CCDC3: variants seen among roughly 807,000 people sequenced by gnomAD.
CCDC3 encodes the protein coiled-coil domain-containing protein 3.
Under a neutral mutation model 21.4 loss-of-function variants are expected in CCDC3, and 24 were observed. The observed-to-expected ratio is 1.12, with a 90% CI of 0.81 to 1.58. CCDC3 has a LOEUF of 1.58. Among genes scored for constraint, CCDC3 ranks in the 40% most tolerant of loss-of-function variants. The probability of loss-of-function intolerance (pLI) is 0.00; values close to 1 mark genes in which losing one functional copy is unlikely to be tolerated. For missense variants in CCDC3, 425 were observed against 360.9 expected (o/e 1.18, Z -1.44); for synonymous variants, 186 against 166.0 (o/e 1.12, Z -0.93).
At chr10:12,916,184 A>G (rs1376269520) in intron 2 of CCDC3, among the ~76,000 whole-genome samples, 2 of 152,188 alleles carry the variant, frequency 1.3e-5, no homozygotes, top group African/African-American at 4.8e-5. Flanking sequence ...CTGAAGTCCC[A>G]GCACTTTGGG....
At chr10:12,941,379 CT>C (rs58855959) in intron 2 of CCDC3, among the ~76,000 whole-genome samples, 17,852 of 152,200 alleles carry the variant, frequency 0.12, 1,691 homozygotes, top group East Asian at 0.43. Flanking sequence ...AGAAGCCATT[CT>C]TTTATTCTTG....
At position 12,955,767 on chromosome 10, in the gene CCDC3, G is replaced by C. The variant is rs181687956; in HGVS notation, c.549+42571C>G. Among the ~76,000 whole-genome samples the C allele has an allele frequency of 2.0e-3, 298 of 152,174 alleles. 1 individual carries two copies. Among genetic ancestry groups the C allele is most frequent in the Non-Finnish European group, 2.8e-3 (192 of 68,008 alleles). On this transcript the variant is annotated intron_variant, in intron 2 of 2. Transcript: ENST00000378825. Reference sequence around the variant, plus strand: ...TTTATTTATTTTATTTTTTGAGACAGAGTCTCACTCTGTCACCCAGGCTGG... The same window carrying C: ...TTTATTTATTTTATTTTTTGAGACACAGTCTCACTCTGTCACCCAGGCTGG...
intron 2 of CCDC3, among the ~76,000 whole-genome samples, chr10:12,993,945 C>A (rs767637221): frequency 3.9e-5 from 6 of 152,192 alleles, no homozygotes; most frequent in Non-Finnish European, 8.8e-5. Context: ...AGATTTCCCC[C>A]TCTTCCATCT....
At chr10:12,980,423 C>T (rs780803347) in intron 2 of CCDC3, among the ~76,000 whole-genome samples, 4 of 152,256 alleles carry the variant, frequency 2.6e-5, no homozygotes, top group Middle Eastern at 3.4e-3. Flanking sequence ...GCCATCAGTC[C>T]CCAGAAATGT....
chr10:12,903,923 G>A lies in CCDC3; in HGVS notation c.550-5244C>T, dbSNP rs1054299834. Among the ~76,000 whole-genome samples the A allele has an allele frequency of 2.6e-5, 4 of 152,350 alleles. No homozygotes were observed. The East Asian group carries it at 5.8e-4, about 22-fold the overall frequency. On this transcript the variant is annotated intron_variant, in intron 2 of 2. Transcript: ENST00000378825. ...ATCATCAATGATTCTATGGTACAGA[G>A]ATAATCACTGTGGACATTGTAACAT...
upstream of CCDC3, among the ~76,000 whole-genome samples, chr10:13,006,582 G>C (rs966955241): frequency 6.6e-6 from 1 of 152,206 alleles, no homozygotes; most frequent in African/African-American, 2.4e-5. Context: ...AGAAATGAAA[G>C]TTCTAGGAGC....
rs544554760 is a variant in CCDC3, at chr10:12,980,511, T to C, written c.549+17827A>G. On this transcript the variant is annotated intron_variant, in intron 2 of 2. Transcript: ENST00000378825. Reference sequence around the variant, plus strand: ...CTGCTGGTGTCTGTGATGGATGGGATGAGGCAGAAACACAGGGCAGACAGG... The same window carrying C: ...CTGCTGGTGTCTGTGATGGATGGGACGAGGCAGAAACACAGGGCAGACAGG... Among the ~76,000 whole-genome samples the C allele has an allele frequency of 2.0e-5, 3 of 152,170 alleles. No individual in the cohort carries two copies. In the South Asian group the frequency reaches 6.2e-4, roughly 32 times the overall value.
chr10:12,944,414 A>C (rs1834882212), intron 2 of CCDC3, among the ~76,000 whole-genome samples: 1 of 152,132 alleles, frequency 6.6e-6, no homozygotes, highest in Admixed American at 6.5e-5. Context: ...CTTTCAACCA[A>C]CTGCCAATCA....
intron 2 of CCDC3, among the ~76,000 whole-genome samples, chr10:12,935,662 A>C (rs1352711353): frequency 6.7e-6 from 1 of 149,462 alleles, no homozygotes; most frequent in Non-Finnish European, 1.5e-5. Context: ...CAACCAATCC[A>C]AGTACATTTT....
intron 2 of CCDC3, among the ~76,000 whole-genome samples, chr10:12,974,137 T>C (rs964798301): frequency 6.6e-6 from 1 of 152,246 alleles, no homozygotes; most frequent in Non-Finnish European, 1.5e-5. Flanking sequence ...GGACCCAGCA[T>C]TCTGAAATCT....
intron 3 of CCDC3, among the ~76,000 whole-genome samples, chr10:13,084,128 C>T (rs1837074833): frequency 6.6e-6 from 1 of 152,124 alleles, no homozygotes; most frequent in Non-Finnish European, 1.5e-5. Flanking sequence ...AATCCTTTAT[C>T]ACAAACCCTT....
chr10:13,090,174 C>G (rs1403588271), intron 3 of CCDC3, among the ~76,000 whole-genome samples: 3 of 150,036 alleles, frequency 2.0e-5, no homozygotes, highest in Non-Finnish European at 4.4e-5. Context: ...CTGCAATCTC[C>G]ACCACCTAGG....
chr10:13,021,083 G>A (rs1486627306), intron 5 of CCDC3, among the ~76,000 whole-genome samples: 1 of 152,158 alleles, frequency 6.6e-6, no homozygotes, highest in Non-Finnish European at 1.5e-5. Context: ...TATTTTGTGT[G>A]TTCAAACTCA....
intron 2 of CCDC3, among the ~76,000 whole-genome samples, chr10:12,958,992 A>T (rs1008116121): frequency 2.0e-5 from 3 of 152,184 alleles, no homozygotes; most frequent in Non-Finnish European, 4.4e-5. Context: ...AAAGAAAAGT[A>T]AGGTCCACCA....
chr10:12,944,030 A>C (rs1834876955), intron 2 of CCDC3, among the ~76,000 whole-genome samples: 1 of 152,216 alleles, frequency 6.6e-6, no homozygotes, highest in South Asian at 2.1e-4. Context: ...ACATTAAAAC[A>C]GGGATCTTAA....
At chr10:13,099,834 G>A (rs1238848363), upstream of CCDC3, 1 of 152,056 alleles carries the variant, frequency 6.6e-6, no homozygotes, top group Non-Finnish European at 1.5e-5. Flanking sequence ...GGAAGACACG[G>A]GGAAGACGAA....
At chr10:12,974,502 A>G (rs570751406) in intron 2 of CCDC3, among the ~76,000 whole-genome samples, 11 of 152,362 alleles carry the variant, frequency 7.2e-5, no homozygotes, top group Admixed American at 7.2e-4. Flanking sequence ...TATGGAGTTT[A>G]GAAATTGTAC....
intron 3 of CCDC3, among the ~76,000 whole-genome samples, chr10:13,084,507 G>A (rs762944189): frequency 6.6e-6 from 1 of 152,076 alleles, no homozygotes; most frequent in Non-Finnish European, 1.5e-5. Flanking sequence ...GTCTGGTCTC[G>A]AACTCCTGAC....
intron 4 of CCDC3, among the ~76,000 whole-genome samples, chr10:13,068,725 T>C (rs149071398): frequency 3.7e-4 from 57 of 152,346 alleles, no homozygotes; most frequent in African/African-American, 1.3e-3. Flanking sequence ...TACATAATTA[T>C]AACAACTTAC....
Sources: gnomAD v4.1 joint callset for allele counts (sites outside exome capture counted in the v4.1 genomes callset) on GRCh38, gnomAD v4.1.1 for gene constraint, MANE v1.5 for transcripts, NCBI Gene and HGNC (gene_info 2026-07-23, HGNC 2026-07-21) for gene names.